Variants in PCDH7 observed in about 807,000 individuals in gnomAD.
The protein encoded by PCDH7 is protocadherin-7.
Under a neutral mutation model 58.9 loss-of-function variants are expected in PCDH7, and 17 were observed. That is an observed-to-expected ratio of 0.29 (90% confidence interval 0.20 to 0.43). The LOEUF is 0.43. PCDH7 is among the 20% of genes least tolerant of loss of function. PCDH7 has a pLI of 1.00. For missense variants in PCDH7, 1,274 were observed against 1,441.0 expected, an observed-to-expected ratio of 0.88 and a Z score of 1.88; for synonymous variants, 664 against 616.4, an observed-to-expected ratio of 1.08 and a Z score of -1.14.
At chr4:31,005,432 AC>A (rs1036388146) in intron 3 of PCDH7, among the ~76,000 whole-genome samples, 27 of 123,348 alleles carry the variant, frequency 2.2e-4, no homozygotes, top group East Asian at 1.4e-3. Flanking sequence ...TGTGTCATCA[AC>A]CCTTCTTCAA....
intron 1 of PCDH7, among the ~76,000 whole-genome samples, chr4:30,889,137 C>CAAAAAAAAAAAAAAAAAAA (rs371917620): frequency 2.6e-4 from 13 of 49,986 alleles, no homozygotes; most frequent in East Asian, 7.1e-4. Flanking sequence ...GCAGATATCT[C>CAAAAAAAAAAAAAAAAAAA]AAAAAAAAAA....
At chr4:30,826,820 G>A (rs1433921611) in intron 1 of PCDH7, among the ~76,000 whole-genome samples, 1 of 152,028 alleles carries the variant, frequency 6.6e-6, no homozygotes, top group African/African-American at 2.4e-5. Context: ...AGACAACCGG[G>A]GATTAAGCAA....
At chr4:30,810,872 C>T (rs1265989758) in intron 1 of PCDH7, among the ~76,000 whole-genome samples, 2 of 152,092 alleles carry the variant, frequency 1.3e-5, no homozygotes, top group African/African-American at 4.8e-5. Context: ...GGCCTCCCAA[C>T]GTGCTGAGAT....
chr4:30,781,958 A>T (rs1722861057), intron 1 of PCDH7, among the ~76,000 whole-genome samples: 1 of 152,128 alleles, frequency 6.6e-6, no homozygotes, highest in African/African-American at 2.4e-5. Flanking sequence ...AACTTATGTA[A>T]ATGGGTATAG....
At chr4:31,038,628 A>G (rs28738802) in intron 3 of PCDH7, among the ~76,000 whole-genome samples, 5,072 of 152,216 alleles carry the variant, frequency 0.033, 257 homozygotes, top group African/African-American at 0.11. Flanking sequence ...TACACTGTAT[A>G]TATTCTGTGA....
chr4:30,837,864 A>G (rs910784510), intron 1 of PCDH7, among the ~76,000 whole-genome samples: 1 of 145,470 alleles, frequency 6.9e-6, no homozygotes, highest in African/African-American at 2.5e-5. Flanking sequence ...ATATATAATC[A>G]ATTATTTTAA....
intron 3 of PCDH7, among the ~76,000 whole-genome samples, chr4:30,955,814 C>T (rs1250748248): frequency 6.6e-6 from 1 of 151,510 alleles, no homozygotes; most frequent in East Asian, 2.0e-4. Flanking sequence ...CTCTCAAAGT[C>T]CTGGGATTAC....
intron 3 of PCDH7, among the ~76,000 whole-genome samples, chr4:30,991,734 T>C (rs1160193854): frequency 3.3e-5 from 5 of 152,294 alleles, no homozygotes; most frequent in Admixed American, 2.6e-4. Context: ...TTATTTTTCT[T>C]GGCTTCCTGT....
intron 1 of PCDH7, among the ~76,000 whole-genome samples, chr4:30,797,571 G>T (rs557560766): frequency 5.9e-5 from 9 of 152,140 alleles, no homozygotes; most frequent in Non-Finnish European, 1.3e-4. Context: ...ACCGTGCCCA[G>T]CCCACTTCCT....
Position 30,740,873 on chromosome 4 carries a change from T to C in PCDH7, c.70+16277T>C, listed in dbSNP as rs548179342. Among the ~76,000 whole-genome samples, 712 of 89,396 alleles carry C rather than the reference T, an allele frequency of 8.0e-3. 6 individuals carry two copies. Among genetic ancestry groups the C allele is most frequent in the African/African-American group, 0.03 (674 of 22,544 alleles). 58.6% of individuals were successfully genotyped at this position (89,396 alleles called of 152,430 possible). A position where few individuals can be genotyped will look rare whatever the true frequency, so the allele number is the denominator to read the frequency against. On this transcript the variant is annotated intron_variant, in intron 1 of 3. Transcript: ENST00000509759. Reference sequence around the variant, plus strand: ...TTAAAAGCATTTATATAAATTTTTATGATACATGCTTTTTTTTCAAAGAAT... The same window carrying C: ...TTAAAAGCATTTATATAAATTTTTACGATACATGCTTTTTTTTCAAAGAAT...
chr4:31,143,403 G>A (rs1418737615), downstream of PCDH7: 1 of 152,198 alleles, frequency 6.6e-6, no homozygotes, highest in Non-Finnish European at 1.5e-5. Context: ...TAGAAAGAGG[G>A]ACTGTATTAA....
At chr4:31,036,377 A>G (rs1258851935) in intron 3 of PCDH7, among the ~76,000 whole-genome samples, 1 of 151,890 alleles carries the variant, frequency 6.6e-6, no homozygotes, top group Admixed American at 6.6e-5. Context: ...GTAGAGACAG[A>G]GTTTCACCAT....
intron 1 of PCDH7, among the ~76,000 whole-genome samples, chr4:30,771,385 G>C (rs1721377847): frequency 6.6e-6 from 1 of 152,104 alleles, no homozygotes. Flanking sequence ...AACGCATTCA[G>C]CAATTTGGCT....
rs529503937 is a variant in PCDH7 at position 30,823,757 on chromosome 4, A to G, written c.71-96396A>G. On this transcript the variant is annotated intron_variant, in intron 1 of 3. Transcript: ENST00000509759. Reference sequence around the variant, plus strand: ...TTAGTAGAAAGGCTAATGCTCTTAAATTATCCTAGAATAGGATAGGGCTAA... The same window carrying G: ...TTAGTAGAAAGGCTAATGCTCTTAAGTTATCCTAGAATAGGATAGGGCTAA... 4.9e-4 allele frequency among the ~76,000 whole-genome samples: 74 copies of G among 152,270 alleles called. 2 individuals are homozygous for G. In the Middle Eastern group the frequency reaches 0.017, roughly 35 times the overall value.
chr4:30,881,739 G>A (rs1159397042), intron 1 of PCDH7, among the ~76,000 whole-genome samples: 1 of 152,098 alleles, frequency 6.6e-6, no homozygotes, highest in African/African-American at 2.4e-5. Context: ...GGCGAAAATG[G>A]AAATCTTCCT....
At chr4:30,854,053 G>T (rs370639756) in intron 1 of PCDH7, among the ~76,000 whole-genome samples, 162 of 151,954 alleles carry the variant, frequency 1.1e-3, no homozygotes, top group African/African-American at 3.7e-3. Flanking sequence ...TTTGGGCAGA[G>T]AATGGAAAGT....
At chr4:30,767,706 A>G (rs1392816922) in intron 1 of PCDH7, among the ~76,000 whole-genome samples, 1 of 152,232 alleles carries the variant, frequency 6.6e-6, no homozygotes, top group East Asian at 1.9e-4. Flanking sequence ...AAAGCGTTTT[A>G]GAATTTAAGT....
At chr4:30,836,904 A>T (rs539223605) in intron 1 of PCDH7, among the ~76,000 whole-genome samples, 2 of 152,262 alleles carry the variant, frequency 1.3e-5, no homozygotes, top group African/African-American at 4.8e-5. Context: ...AGTGCCTTAG[A>T]GTTCATTATC....
intron 1 of PCDH7, among the ~76,000 whole-genome samples, chr4:30,764,999 G>C (rs1273084874): frequency 6.6e-6 from 1 of 151,844 alleles, no homozygotes; most frequent in Non-Finnish European, 1.5e-5. Flanking sequence ...GATTACAGAC[G>C]TGAGCCACCG....
Sources: allele counts gnomAD v4.1 joint callset (sites outside exome capture counted in the v4.1 genomes callset), GRCh38; gene constraint gnomAD v4.1.1; transcripts MANE v1.5; gene names NCBI Gene and HGNC (gene_info 2026-07-23, HGNC 2026-07-21).